DNM3: variants seen among roughly 807,000 people sequenced by gnomAD.
The protein encoded by DNM3 is dynamin-3.
A neutral mutation model predicts 101.6 loss-of-function variants in DNM3; 47 were observed. That is an observed-to-expected ratio of 0.46 (90% CI 0.37 to 0.59). The LOEUF (loss-of-function observed/expected upper bound fraction) is 0.59. Among genes scored for constraint, DNM3 ranks in the 20% least tolerant of loss-of-function variants. The pLI is 0.00. For synonymous variants in DNM3, 385 were observed against 387.9 expected (o/e 0.99, Z 0.09); for missense variants, 849 against 1,085.7 (o/e 0.78, Z 3.06).
intron 16 of DNM3, chr1:172,310,860 A>G (rs1234678478): frequency 6.6e-6 from 1 of 152,200 alleles, no homozygotes; most frequent in East Asian, 1.9e-4. Context: ...GTGACGATTT[A>G]TATATTTAAA....
chr1:172,118,530 C>T (rs2056081634), intron 13 of DNM3, among the ~76,000 whole-genome samples: 1 of 152,062 alleles, frequency 6.6e-6, no homozygotes, highest in African/African-American at 2.4e-5. Context: ...TCTTCATTGG[C>T]CAATTCTTGT....
intron 1 of DNM3, among the ~76,000 whole-genome samples, chr1:171,852,748 A>T (rs2033124769): frequency 6.6e-6 from 1 of 152,216 alleles, no homozygotes; most frequent in East Asian, 1.9e-4. Context: ...AGAACACTTT[A>T]AAAAATGGAA....
intron 17 of DNM3, among the ~76,000 whole-genome samples, chr1:172,377,508 T>A (rs1164713282): frequency 6.7e-6 from 1 of 148,702 alleles, no homozygotes; most frequent in Non-Finnish European, 1.5e-5. Flanking sequence ...GAAGATGTTT[T>A]CTTCAGAAAG....
intron 14 of DNM3, among the ~76,000 whole-genome samples, chr1:172,204,524 T>C (rs1411599984): frequency 1.3e-5 from 2 of 152,114 alleles, no homozygotes; most frequent in Admixed American, 1.3e-4. Context: ...TCACCAAAAC[T>C]AAATTGGTTT....
Position 172,411,200 on chromosome 1 carries a change from T to C in DNM3, c.*3359T>C. The C allele has an allele frequency of 1.0e-6, 1 of 985,278 alleles. No individual in the cohort carries two copies. Among genetic ancestry groups the C allele is most frequent in the Non-Finnish European group, 1.2e-6 (1 of 829,798 alleles). The allele number at this position is 985,278 out of a possible 1,614,324, so 61.0% of individuals were successfully genotyped here. ...TGATAATACAACAGATAGCTTTGAA[T>C]GATCTGCCATAACATGTGGTAACAA... On this transcript the variant is annotated 3_prime_UTR_variant, in exon 21 of 21. Transcript: ENST00000627582.
chr1:171,912,957 T>C (rs150341907), intron 1 of DNM3, among the ~76,000 whole-genome samples: 71 of 152,386 alleles, frequency 4.7e-4, no homozygotes, highest in African/African-American at 1.6e-3. Context: ...GCCTTTATTT[T>C]ATGCCAGGAC....
intron 2 of DNM3, among the ~76,000 whole-genome samples, chr1:171,930,830 A>G (rs991385729): frequency 6.6e-6 from 1 of 152,196 alleles, no homozygotes; most frequent in African/African-American, 2.4e-5. Flanking sequence ...CACACATGCT[A>G]GCTGATTCTA....
At chr1:171,976,758 ATAT>A (rs1293613148) in intron 2 of DNM3, among the ~76,000 whole-genome samples, 2 of 152,218 alleles carry the variant, frequency 1.3e-5, no homozygotes, top group Non-Finnish European at 2.9e-5. Context: ...GTTTTTTGAG[ATAT>A]TATAATGTAT....
rs12083356 is a variant in DNM3 at position 171,979,334 on chromosome 1, A to C, written c.236-8322A>C. On this transcript the variant is annotated intron_variant, in intron 2 of 20. Transcript: ENST00000627582. ...TAAAAAAATTTTGTGGGTACATAGT[A>C]GGTAGATATACCCTAAAGAAAGGAA... Among the ~76,000 whole-genome samples the C allele has an allele frequency of 9.0e-3, 1,377 of 152,312 alleles. 18 individuals carry two copies. The highest frequency in any genetic ancestry group is 0.031 in the African/African-American group (1,297 of 41,556).
intron 1 of DNM3, among the ~76,000 whole-genome samples, chr1:171,848,980 A>G (rs1245118592): frequency 1.3e-5 from 2 of 152,168 alleles, no homozygotes; most frequent in Non-Finnish European, 2.9e-5. Context: ...TCTTTGTGAC[A>G]GTGTGTCATT....
intron 4 of DNM3, among the ~76,000 whole-genome samples, chr1:172,015,411 C>A (rs1469381652): frequency 6.6e-6 from 1 of 152,082 alleles, no homozygotes; most frequent in Admixed American, 6.6e-5. Flanking sequence ...ATGTAAATAG[C>A]TCTTCATTTA....
At position 172,410,682 on chromosome 1, in the gene DNM3, G is replaced by A. The variant is rs774167787; in HGVS notation, c.*2841G>A. On this transcript the variant is annotated 3_prime_UTR_variant, in exon 21 of 21. Coordinates refer to ENST00000627582, the MANE Select transcript of DNM3 (RefSeq NM_015569.5). ...TTTAGCCGTGTTTTATAACATAGAC[G>A]AGCAGTAGGGTCTGTTTATTAGCAA... 8.4e-5 allele frequency: 83 copies of A among 985,122 alleles called. No homozygotes were observed. Among genetic ancestry groups the A allele is most frequent in the Non-Finnish European group, 9.9e-5 (82 of 829,828 alleles). 61.0% of individuals were successfully genotyped at this position (985,122 alleles called of 1,614,324 possible). A position where few individuals can be genotyped will look rare whatever the true frequency, so the allele number is the denominator to read the frequency against.
intron 14 of DNM3, among the ~76,000 whole-genome samples, chr1:172,218,083 GT>G (rs1339541815): frequency 6.6e-6 from 1 of 152,036 alleles, no homozygotes; most frequent in Non-Finnish European, 1.5e-5. Context: ...ATGTTTGAGG[GT>G]TTCAAAAGTG....
intron 2 of DNM3, among the ~76,000 whole-genome samples, chr1:171,980,840 G>C (rs2044739347): frequency 6.8e-6 from 1 of 147,650 alleles, no homozygotes; most frequent in Admixed American, 6.8e-5. Context: ...ACATGATCTA[G>C]GCTCACTGCA....
chr1:172,089,926 C>T (rs1265058050), intron 12 of DNM3, among the ~76,000 whole-genome samples: 6 of 152,188 alleles, frequency 3.9e-5, no homozygotes, highest in Non-Finnish European at 8.8e-5. Context: ...CTGTTTCTGT[C>T]TGTCTCCTTT....
At chr1:172,117,281 T>TA (rs1558595968) in intron 13 of DNM3, among the ~76,000 whole-genome samples, 2 of 152,138 alleles carry the variant, frequency 1.3e-5, no homozygotes, top group African/African-American at 4.8e-5. Context: ...GCATTTTTTT[T>TA]TAAAATGTGC....
At chr1:172,225,641 A>G (rs1472534137) in intron 14 of DNM3, among the ~76,000 whole-genome samples, 1 of 151,960 alleles carries the variant, frequency 6.6e-6, no homozygotes, top group African/African-American at 2.4e-5. Context: ...TGCATTAACA[A>G]GTTGGTAACA....
chr1:171,938,996 TTA>T (rs2041637765), intron 2 of DNM3, among the ~76,000 whole-genome samples: 1 of 152,184 alleles, frequency 6.6e-6, no homozygotes, highest in Non-Finnish European at 1.5e-5. Context: ...GAATTGCTGG[TTA>T]TGTTAATTTT....
At chr1:172,276,491 G>T (rs1006598524) in intron 15 of DNM3, among the ~76,000 whole-genome samples, 39 of 151,366 alleles carry the variant, frequency 2.6e-4, no homozygotes, top group Admixed American at 6.6e-5. Flanking sequence ...TGTGTAAATT[G>T]TGTTATAATT....
Sources: allele counts gnomAD v4.1 joint callset (sites outside exome capture counted in the v4.1 genomes callset), GRCh38; gene constraint gnomAD v4.1.1; transcripts MANE v1.5; gene names NCBI Gene and HGNC (gene_info 2026-07-23, HGNC 2026-07-21).